The following SHKBP1 variants were observed in gnomAD, a reference collection of about 807,000 sequenced individuals.
SHKBP1 encodes the protein SH3KBP1-binding protein 1.
Under a neutral mutation model 83.9 loss-of-function variants are expected in SHKBP1, and 71 were observed. That is an observed-to-expected ratio of 0.85 (90% CI 0.70 to 1.03). The LOEUF is 1.03. SHKBP1 is among the 50% of genes least tolerant of loss of function. SHKBP1 has a pLI of 0.00. For synonymous variants in SHKBP1, 371 were observed against 398.0 expected (o/e 0.93, Z 0.81); for missense variants, 824 against 982.4 (o/e 0.84, Z 2.16).
intron 10 of SHKBP1, among the ~76,000 whole-genome samples, chr19:40,582,886 G>C (rs1053584903): frequency 1.2e-4 from 18 of 151,856 alleles, no homozygotes; most frequent in African/African-American, 3.9e-4. Context: ...CAGAAAACCA[G>C]GCAAATAGAA....
At chr19:40,586,154 C>G (rs968582875) in intron 12 of SHKBP1, among the ~76,000 whole-genome samples, 1 of 152,142 alleles carries the variant, frequency 6.6e-6, no homozygotes, top group African/African-American at 2.4e-5. Flanking sequence ...AGCAATCTTC[C>G]TGCCTCGGCC....
chr19:40,582,485 C>T lies in SHKBP1; in HGVS notation c.960+19C>T. 6.2e-7 allele frequency: 1 copy of T among 1,606,730 alleles called. No individual in the cohort carries two copies. The highest frequency in any genetic ancestry group is 1.1e-5 in the South Asian group (1 of 90,978). ...CTGGCAGGTCAGAGTTCTGGCCAGCCTGGCTGCCCCCTTCCCAGTTTTCCA... is the reference window on the plus strand; with the variant it reads ...CTGGCAGGTCAGAGTTCTGGCCAGCTTGGCTGCCCCCTTCCCAGTTTTCCA... On this transcript the variant is annotated intron_variant, in intron 10 of 17. Transcript: ENST00000291842.
At position 40,576,950 on chromosome 19, in the gene SHKBP1, C is replaced by T. The variant is rs527305558; in HGVS notation, c.51C>T (p.Pro17=). 19 of 1,503,134 alleles carry T rather than the reference C, an allele frequency of 1.3e-5. No homozygotes were observed. Among genetic ancestry groups the T allele is most frequent in the African/African-American group, 9.9e-5 (7 of 70,388 alleles). The allele number at this position is 1,503,134 out of a possible 1,614,324, so 93.1% of individuals were successfully genotyped here. Residue 17 remains proline (P), a synonymous_variant, in exon 1 of 18, where the codon CCC becomes CCT. Transcript: ENST00000291842. ...AAEGVPSRGP[P]GEVIHLNVGG... is the part of the protein sequence containing the mutation. Reference sequence around the variant, plus strand: ...AGGGGGTCCCCAGTCGGGGGCCTCCCGGGGAAGTCATTCATCTGAATGTGG... The same window carrying T: ...AGGGGGTCCCCAGTCGGGGGCCTCCTGGGGAAGTCATTCATCTGAATGTGG...
Position 40,590,131 on chromosome 19 carries a change from A to T in SHKBP1, c.1590-113A>T. Reference sequence around the variant, plus strand: ...GAACTCAAAAGCAGGCTAGGGATGGATAAAGATTGGGATGGCCCCTGGAGA... The same window carrying T: ...GAACTCAAAAGCAGGCTAGGGATGGTTAAAGATTGGGATGGCCCCTGGAGA... On this transcript the variant is annotated intron_variant, in intron 15 of 17. Coordinates refer to ENST00000291842, the MANE Select transcript of SHKBP1 (RefSeq NM_138392.4). The surrounding 1 kb of genome is among the most constrained non-coding windows in gnomAD (Gnocchi z 4.6). 1.6e-6 allele frequency: 2 copies of T among 1,236,108 alleles called. No individual in the cohort carries two copies. The highest frequency in any genetic ancestry group is 2.6e-5 in the East Asian group (1 of 38,206). The allele number at this position is 1,236,108 out of a possible 1,614,324, so 76.6% of individuals were successfully genotyped here.
intron 12 of SHKBP1, 70 bp from the exon 13 acceptor site, chr19:40,586,704 T>G: frequency 5.7e-6 from 8 of 1,395,252 alleles, no homozygotes; most frequent in Non-Finnish European, 6.6e-6. Flanking sequence ...TCTGTGCCTG[T>G]TTCTTTCTCC....
rs1433875322 is a variant in SHKBP1 at position 40,576,930 on chromosome 19, G to T, written c.31G>T (p.Val11Phe). The change falls in exon 1 of 18, where the codon GTC (valine) becomes TTC (phenylalanine). Residue 11 changes from valine (V) to phenylalanine (F), a missense_variant. This residue lies in a region of SHKBP1 where 355 missense variants were observed against 386.4 expected (regional missense o/e 0.92). Coordinates refer to ENST00000291842, the MANE Select transcript of SHKBP1 (RefSeq NM_138392.4). ...AGCAGCGGCTACTGCAGCCGAGGGG[G>T]TCCCCAGTCGGGGGCCTCCCGGGGA... MAAAATAAEG[V>F]PSRGPPGEVI... 2.7e-6 allele frequency: 4 copies of T among 1,491,266 alleles called. No homozygotes were observed. Among genetic ancestry groups the T allele is most frequent in the Non-Finnish European group, 3.6e-6 (4 of 1,125,066 alleles). 92.4% of individuals were successfully genotyped at this position (1,491,266 alleles called of 1,614,324 possible). A position where few individuals can be genotyped will look rare whatever the true frequency, so the allele number is the denominator to read the frequency against.
At position 40,581,358 on chromosome 19, in the gene SHKBP1, C is replaced by CA. The variant is rs542170213; in HGVS notation, c.844+429dup. On this transcript the variant is annotated intron_variant, in intron 9 of 17. Transcript: ENST00000291842. ...AAACCCAGTCTTTATTTCAAAAATA[C>CA]AAAAAAATTAGCTGGGTGTGGTGGC... Among the ~76,000 whole-genome samples, 4 of 151,702 alleles carry CA rather than the reference C, an allele frequency of 2.6e-5. No individual in the cohort carries two copies. The East Asian group carries it at 7.8e-4, about 29-fold the overall frequency.
intron 14 of SHKBP1, 96 bp from the exon 15 acceptor site, chr19:40,588,986 C>G (rs774445004): frequency 1.4e-4 from 194 of 1,378,870 alleles, no homozygotes; most frequent in Non-Finnish European, 1.9e-4. Flanking sequence ...GGGGATGGGA[C>G]TGGGGTCTTG....
Position 40,582,218 on chromosome 19 carries a change from A to T in SHKBP1, c.845-133A>T, listed in dbSNP as rs192803792. 486 of 744,594 alleles carry T rather than the reference A, an allele frequency of 6.5e-4. 1 individual carries two copies. In the African/African-American group the frequency reaches 7.7e-3, roughly 12 times the overall value. 46.1% of individuals were successfully genotyped at this position (744,594 alleles called of 1,614,324 possible). A position where few individuals can be genotyped will look rare whatever the true frequency, so the allele number is the denominator to read the frequency against. ...ATTACAGGTGTGAGCCACTGTGCCCAGCCCCTGATGGAATCTTCTATCCTT... is the reference window on the plus strand; with the variant it reads ...ATTACAGGTGTGAGCCACTGTGCCCTGCCCCTGATGGAATCTTCTATCCTT... On this transcript the variant is annotated intron_variant, in intron 9 of 17. Coordinates refer to ENST00000291842, the MANE Select transcript of SHKBP1 (RefSeq NM_138392.4).
intron 6 of SHKBP1, among the ~76,000 whole-genome samples, chr19:40,579,130 T>A (rs1262685330): frequency 6.6e-6 from 1 of 152,112 alleles, no homozygotes; most frequent in East Asian, 1.9e-4. Context: ...TTTAATTTTA[T>A]GAGACAGGGT....
Position 40,591,237 on chromosome 19 carries a change from G to T in SHKBP1, c.*30G>T. The T allele has an allele frequency of 6.5e-7, 1 of 1,539,312 alleles. No homozygotes were observed. Among genetic ancestry groups the T allele is most frequent in the South Asian group, 1.3e-5 (1 of 79,964 alleles). ...CGCAGCTGCCATGATGCCTTGGGAT[G>T]CCCTGGTCCTGGGGGACTCAGGTGC... On this transcript the variant is annotated 3_prime_UTR_variant, in exon 18 of 18. Transcript: ENST00000291842.
chr19:40,581,007 A>G, intron 9 of SHKBP1, 71 bp downstream of exon 9: 8 of 1,414,314 alleles, frequency 5.7e-6, no homozygotes, highest in Non-Finnish European at 7.5e-6. Flanking sequence ...GACCCACCCC[A>G]TAAAATCCTC....
At position 40,589,135 on chromosome 19, in the gene SHKBP1, A is replaced by G; in HGVS notation, c.1546A>G (p.Ser516Gly). The change falls in exon 15 of 18, where the codon AGT becomes GGT. Residue 516 changes from serine to glycine, a missense_variant. Physicochemically the swap from Ser to Gly is moderately conservative, Grantham distance 56. Coordinates refer to ENST00000291842, the MANE Select transcript of SHKBP1 (RefSeq NM_138392.4). ...AGTGTTCATCCAGAAGGTGGTGCCC[A>G]GTGCCAGCCAGCTCTTCGTGCGTCT... ...QQVFIQKVVP[S>G]ASQLFVRLSS... 1.2e-6 allele frequency: 2 copies of G among 1,613,696 alleles called. No individual in the cohort carries two copies. The highest frequency in any genetic ancestry group is 1.7e-6 in the Non-Finnish European group (2 of 1,180,004).
Position 40,590,347 on chromosome 19 carries a change from C to T in SHKBP1, c.1693C>T (p.Leu565Phe). Reference sequence around the variant, plus strand: ...CGGCTCTCGGCCCCGGCGCTACCTGCTCACTGGCCAGGCCAACGGCAGCTT... The same window carrying T: ...CGGCTCTCGGCCCCGGCGCTACCTGTTCACTGGCCAGGCCAACGGCAGCTT... ...RLGSRPRRYL[L>F]TGQANGSLAM... Residue 565 changes from leucine (L) to phenylalanine (F), a missense_variant, in exon 16 of 18, where the codon CTC (leucine) becomes TTC (phenylalanine). Physicochemically the swap from Leu to Phe is conservative, Grantham distance 22. Coordinates refer to ENST00000291842, the MANE Select transcript of SHKBP1 (RefSeq NM_138392.4). The surrounding 1 kb of genome is among the most constrained non-coding windows in gnomAD (Gnocchi z 4.6). 6.2e-7 allele frequency: 1 copy of T among 1,612,228 alleles called. No homozygotes were observed. The highest frequency in any genetic ancestry group is 1.1e-5 in the South Asian group (1 of 90,932).
chr19:40,589,163 C>T lies in SHKBP1; in HGVS notation c.1574C>T (p.Ser525Leu), dbSNP rs1346490476. The change falls in exon 15 of 18, where the codon TCA becomes TTA. Residue 525 changes from serine to leucine, a missense_variant. Ser to Leu is a moderately radical substitution (Grantham distance 145). This residue lies in a region of SHKBP1 where 287 missense variants were observed against 322.9 expected (regional missense o/e 0.89). Transcript: ENST00000291842. ...PSASQLFVRLSSTGQRVCSVR... is the reference protein window; with the variant it reads ...PSASQLFVRLLSTGQRVCSVR... Reference sequence around the variant, plus strand: ...GCCAGCCAGCTCTTCGTGCGTCTCTCATCTACTGGGCAGCGGTGAGGACAG... The same window carrying T: ...GCCAGCCAGCTCTTCGTGCGTCTCTTATCTACTGGGCAGCGGTGAGGACAG... The T allele has an allele frequency of 1.2e-6, 2 of 1,612,438 alleles. No individual in the cohort carries two copies. Among genetic ancestry groups the T allele is most frequent in the Non-Finnish European group, 1.7e-6 (2 of 1,179,764 alleles).
At chr19:40,584,624 C>G (rs2081296937) in intron 12 of SHKBP1, among the ~76,000 whole-genome samples, 1 of 152,150 alleles carries the variant, frequency 6.6e-6, no homozygotes, top group Non-Finnish European at 1.5e-5. Context: ...CACTAATATG[C>G]TTTCTCTTTT....
chr19:40,590,149 C>G lies in SHKBP1; in HGVS notation c.1590-95C>G, dbSNP rs1568395096. 3 of 1,354,808 alleles carry G rather than the reference C, an allele frequency of 2.2e-6. No individual in the cohort carries two copies. Among genetic ancestry groups the G allele is most frequent in the South Asian group, 1.4e-5 (1 of 69,438 alleles). The allele number at this position is 1,354,808 out of a possible 1,614,324, so 83.9% of individuals were successfully genotyped here. ...GGGATGGATAAAGATTGGGATGGCC[C>G]CTGGAGAGGCAGGAACTGCAGCCAC... On this transcript the variant is annotated intron_variant, in intron 15 of 17. Coordinates refer to ENST00000291842, the MANE Select transcript of SHKBP1 (RefSeq NM_138392.4). This position sits in a 1 kb window ranked among gnomAD's most constrained non-coding sequence, Gnocchi z 4.6.
At position 40,590,750 on chromosome 19, in the gene SHKBP1, G is replaced by A; in HGVS notation, c.1789G>A (p.Glu597Lys). 1.3e-6 allele frequency: 2 copies of A among 1,598,646 alleles called. No individual in the cohort carries two copies. The highest frequency in any genetic ancestry group is 1.7e-6 in the Non-Finnish European group (2 of 1,167,972). Residue 597 changes from glutamate (E) to lysine (K), a missense_variant, in exon 17 of 18, where the codon GAG becomes AAG. Physicochemically the swap from Glu to Lys is moderately conservative, Grantham distance 56 (BLOSUM62 1). Coordinates refer to ENST00000291842, the MANE Select transcript of SHKBP1 (RefSeq NM_138392.4). The surrounding 1 kb of genome is among the most constrained non-coding windows in gnomAD (Gnocchi z 4.6). ...CCCAGCAGGTGGCCTGACGGAGCAA[G>A]AGCTGATGGAACAGCTGGAACACTG... ...QAPAGGLTEQELMEQLEHCEL... is the reference protein window; with the variant it reads ...QAPAGGLTEQKLMEQLEHCEL...
rs781304601 is a variant in SHKBP1 at position 40,586,873 on chromosome 19, T to C, written c.1265T>C (p.Leu422Pro). 2 of 1,613,110 alleles carry C rather than the reference T, an allele frequency of 1.2e-6. No homozygotes were observed. The highest frequency in any genetic ancestry group is 1.7e-6 in the Non-Finnish European group (2 of 1,179,450). Reference sequence around the variant, plus strand: ...GAGACTGTGGGCTCGGGGCCTCAGCTCTTCCAGACCTTCACTGTGCACCGC... The same window carrying C: ...GAGACTGTGGGCTCGGGGCCTCAGCCCTTCCAGACCTTCACTGTGCACCGC... ...HPETVGSGPQ[L>P]FQTFTVHRSP... Residue 422 changes from leucine (L) to proline (P), a missense_variant, in exon 13 of 18, where the codon CTC becomes CCC. Transcript: ENST00000291842.
Sources: allele counts gnomAD v4.1 joint callset (sites outside exome capture counted in the v4.1 genomes callset), GRCh38; gene constraint gnomAD v4.1.1; regional missense constraint gnomAD v4.1.1; non-coding constraint Gnocchi (gnomAD v3.1); transcripts MANE v1.5; gene names NCBI Gene and HGNC (gene_info 2026-07-23, HGNC 2026-07-21).